Variants in CMIP observed in about 807,000 individuals in gnomAD.
CMIP encodes c-Maf inducing protein.
CMIP carries 13 observed loss-of-function variants against 97.3 expected under a neutral mutation model. The ratio of observed to expected loss-of-function variants is 0.13; its 90% CI spans 0.09 to 0.21. The LOEUF (loss-of-function observed/expected upper bound fraction) is 0.21, where lower values mean the gene tolerates loss of function less well. Among genes scored for constraint, CMIP ranks in the 10% least tolerant of loss-of-function variants. The pLI, the probability that CMIP is intolerant of heterozygous loss-of-function variation, is 1.00. For missense variants in CMIP, 847 were observed against 1,024.9 expected (o/e 0.83, Z 2.37); for synonymous variants, 538 against 436.3 (o/e 1.23, Z -2.91).
At chr16:81,504,330 A>G (rs2089665690) in intron 1 of CMIP, among the ~76,000 whole-genome samples, 1 of 151,644 alleles carries the variant, frequency 6.6e-6, no homozygotes. Flanking sequence ...TCTCAAAAAA[A>G]GGAAAAAAGA....
chr16:81,508,638 A>G (rs116984163), intron 1 of CMIP, among the ~76,000 whole-genome samples: 1,942 of 152,368 alleles, frequency 0.013, 27 homozygotes, highest in Middle Eastern at 0.034. Flanking sequence ...TGTCTGAGTC[A>G]AAGGTTATGC....
At chr16:81,533,515 G>C (rs1206261204) in intron 1 of CMIP, among the ~76,000 whole-genome samples, 1 of 152,050 alleles carries the variant, frequency 6.6e-6, no homozygotes, top group African/African-American at 2.4e-5. Context: ...GTCTCTTTTT[G>C]TCACCCAGGC....
At chr16:81,556,976 C>T (rs754568472) in intron 1 of CMIP, among the ~76,000 whole-genome samples, 11 of 152,032 alleles carry the variant, frequency 7.2e-5, no homozygotes, top group African/African-American at 1.4e-4. Flanking sequence ...GATCCAGGGA[C>T]GGGAAAAGGA....
intron 1 of CMIP, among the ~76,000 whole-genome samples, chr16:81,478,839 TCA>T (rs1201543039): frequency 2.6e-5 from 4 of 152,168 alleles, no homozygotes; most frequent in Non-Finnish European, 4.4e-5. Context: ...GGTCCCTCTG[TCA>T]CACCCTGCCC....
intron 1 of CMIP, among the ~76,000 whole-genome samples, chr16:81,488,240 G>A (rs945527426): frequency 2.6e-5 from 4 of 152,044 alleles, no homozygotes; most frequent in African/African-American, 9.7e-5. Context: ...GGGGGTTAAG[G>A]GCTCATATTC....
intron 1 of CMIP, among the ~76,000 whole-genome samples, chr16:81,474,879 C>A (rs1182947884): frequency 6.6e-6 from 1 of 152,190 alleles, no homozygotes; most frequent in African/African-American, 2.4e-5. Context: ...GGGAGGGAGT[C>A]GACCAGTGCT....
chr16:81,460,005 G>A (rs1266888023), intron 1 of CMIP, among the ~76,000 whole-genome samples: 1 of 152,202 alleles, frequency 6.6e-6, no homozygotes, highest in Non-Finnish European at 1.5e-5. Context: ...AGTGGGGAAG[G>A]GAAGTTCCTT....
chr16:81,702,657 C>G lies in CMIP; in HGVS notation c.1932C>G (p.Pro644=). Residue 644 remains proline (P), a synonymous_variant, in exon 17 of 21, where the codon CCC becomes CCG. Coordinates refer to ENST00000537098, the MANE Select transcript of CMIP (RefSeq NM_198390.3). The stretch of plus-strand genomic sequence containing the variant: ...GCGGGCCCACCAGGCTAACACTGCC[C>G]TCCAAGTCCACAGTGAGTTGGTTTG... ...RKGGPTRLTL[P]SKSTDADLAR... 6.2e-7 allele frequency: 1 copy of G among 1,613,538 alleles called. No homozygotes were observed. Among genetic ancestry groups the G allele is most frequent in the Non-Finnish European group, 8.5e-7 (1 of 1,179,666 alleles).
intron 20 of CMIP, among the ~76,000 whole-genome samples, chr16:81,707,836 AGAGAAGGGCTGGGCTCAAAGGT>A (rs1193670108): frequency 1.3e-5 from 2 of 152,108 alleles, no homozygotes; most frequent in African/African-American, 4.8e-5. Context: ...GCATCCTGGG[AGAGAAGGGCTGGGCTCAAAGGT>A]GAGAAGGCAC....
At chr16:81,587,333 A>G (rs1030294479) in intron 1 of CMIP, among the ~76,000 whole-genome samples, 4 of 152,178 alleles carry the variant, frequency 2.6e-5, no homozygotes, top group African/African-American at 9.7e-5. Flanking sequence ...TATGATGAGT[A>G]TGTTTGGTAG....
chr16:81,707,674 C>G (rs540530537), intron 20 of CMIP, among the ~76,000 whole-genome samples: 1 of 152,338 alleles, frequency 6.6e-6, no homozygotes, highest in South Asian at 2.1e-4. Context: ...GAAAAAGGAT[C>G]GGAGGGTGGA....
chr16:81,626,003 C>T (rs1315298853), intron 3 of CMIP, among the ~76,000 whole-genome samples: 1 of 152,250 alleles, frequency 6.6e-6, no homozygotes, highest in Non-Finnish European at 1.5e-5. Flanking sequence ...AGAGGAGTGC[C>T]CTTGGCTCTG....
intron 1 of CMIP, among the ~76,000 whole-genome samples, chr16:81,589,133 G>T (rs1011991785): frequency 2.0e-5 from 3 of 151,710 alleles, no homozygotes; most frequent in Non-Finnish European, 4.4e-5. Flanking sequence ...TCACCCTGTG[G>T]TCCAGGCTGC....
At chr16:81,668,105 G>A (rs1006849296) in intron 7 of CMIP, among the ~76,000 whole-genome samples, 2 of 152,188 alleles carry the variant, frequency 1.3e-5, no homozygotes, top group East Asian at 3.9e-4. Flanking sequence ...CCTGAGGGGG[G>A]TCTCTATTTC....
At position 81,609,053 on chromosome 16, in the gene CMIP, T is replaced by G. The variant is rs944430741; in HGVS notation, c.426+1361T>G. 1.1e-4 allele frequency among the ~76,000 whole-genome samples: 17 copies of G among 152,298 alleles called. 1 individual carries two copies. Among genetic ancestry groups the G allele is most frequent in the East Asian group, 9.6e-4 (5 of 5,188 alleles). On this transcript the variant is annotated intron_variant, in intron 2 of 20. Transcript: ENST00000537098. ...AGCATTGTTAGAAATGTCCTGTTTC[T>G]TACTGTCATCTCTCAGAGGACTCTG...
intron 1 of CMIP, among the ~76,000 whole-genome samples, chr16:81,558,731 G>C (rs1210761143): frequency 1.3e-5 from 2 of 152,176 alleles, no homozygotes; most frequent in Admixed American, 1.3e-4. Flanking sequence ...GTGAGTATTT[G>C]CTGCTTGGCA....
chr16:81,590,390 C>T (rs1286994988), intron 1 of CMIP, among the ~76,000 whole-genome samples: 1 of 152,186 alleles, frequency 6.6e-6, no homozygotes, highest in Non-Finnish European at 1.5e-5. Context: ...GGCTCATTCC[C>T]ATGATTTCGG....
At chr16:81,704,898 G>T (rs928133167) in intron 18 of CMIP, among the ~76,000 whole-genome samples, 2 of 151,700 alleles carry the variant, frequency 1.3e-5, no homozygotes, top group Admixed American at 1.3e-4. Flanking sequence ...GAGTCCTGAG[G>T]TTCTGAGAGG....
chr16:81,574,134 A>C (rs879580277), intron 1 of CMIP, among the ~76,000 whole-genome samples: 1 of 152,240 alleles, frequency 6.6e-6, no homozygotes, highest in Non-Finnish European at 1.5e-5. Context: ...TGGCCAGTGC[A>C]GATACAGAAC....
Sources: allele counts gnomAD v4.1 joint callset (sites outside exome capture counted in the v4.1 genomes callset), GRCh38; gene constraint gnomAD v4.1.1; transcripts MANE v1.5; gene names NCBI Gene and HGNC (gene_info 2026-07-23, HGNC 2026-07-21).